TCF12: variants seen among roughly 807,000 people sequenced by gnomAD.
TCF12 encodes transcription factor 12, also known as DNA-binding protein HTF4.
A neutral mutation model predicts 86.0 loss-of-function variants in TCF12; 45 were observed. The observed-to-expected ratio is 0.52, with a 90% CI of 0.41 to 0.67. TCF12 has a LOEUF of 0.67. TCF12 is among the 30% of genes least tolerant of loss of function. TCF12 has a pLI of 0.00. For missense variants in TCF12, 881 were observed against 859.9 expected (o/e 1.02, Z -0.31); for synonymous variants, 330 against 299.6 (o/e 1.10, Z -1.05).
intron 16 of TCF12, among the ~76,000 whole-genome samples, chr15:57,259,757 G>T (rs1021957873): frequency 7.9e-5 from 12 of 152,314 alleles, no homozygotes; most frequent in Admixed American, 6.5e-4. Context: ...CAATTAAACC[G>T]AGTCCTATCT....
chr15:57,000,504 G>A (rs2063963569), intron 3 of TCF12, among the ~76,000 whole-genome samples: 1 of 152,200 alleles, frequency 6.6e-6, no homozygotes, highest in South Asian at 2.1e-4. Context: ...TGCTTGGAAG[G>A]AAGTTTGTAG....
intron 8 of TCF12, among the ~76,000 whole-genome samples, chr15:57,226,887 A>G (rs2058907916): frequency 6.6e-6 from 1 of 151,210 alleles, no homozygotes; most frequent in Non-Finnish European, 1.5e-5. Flanking sequence ...CACTATCCAC[A>G]TTTCAAGTGT....
rs144340040 is a variant in TCF12, at chr15:57,126,476, A to C, written c.325+34585A>C. The stretch of plus-strand genomic sequence containing the variant: ...TCTCCAGTATAACATGCTCTGTGTC[A>C]GTCCTATTGGAGAATCATTTCTCAT... On this transcript the variant is annotated intron_variant, in intron 5 of 20. Coordinates refer to ENST00000333725, the MANE Select transcript of TCF12 (RefSeq NM_207037.2). Among the ~76,000 whole-genome samples, 34 of 152,328 alleles carry C rather than the reference A, an allele frequency of 2.2e-4. 1 individual carries two copies. In the East Asian group the frequency reaches 6.0e-3, roughly 27 times the overall value.
intron 3 of TCF12, among the ~76,000 whole-genome samples, chr15:56,961,991 G>A (rs184724860): frequency 6.6e-6 from 1 of 151,872 alleles, no homozygotes; most frequent in African/African-American, 2.4e-5. Context: ...AATTAGCCGG[G>A]CGTGGTGGCG....
At chr15:57,258,288 A>G (rs919019578) in intron 16 of TCF12, among the ~76,000 whole-genome samples, 1 of 152,224 alleles carries the variant, frequency 6.6e-6, no homozygotes, top group Admixed American at 6.5e-5. Context: ...TCAATTTAAA[A>G]AAAAGGGGAA....
At chr15:56,956,799 A>ATT (rs1444043580) in intron 3 of TCF12, among the ~76,000 whole-genome samples, 1 of 149,412 alleles carries the variant, frequency 6.7e-6, no homozygotes, top group African/African-American at 2.5e-5. Flanking sequence ...TGCTTTTAAG[A>ATT]TTTTTTTTTT....
At chr15:57,264,201 T>TTTA (rs2060734995) in intron 18 of TCF12, among the ~76,000 whole-genome samples, 1 of 106,376 alleles carries the variant, frequency 9.4e-6, no homozygotes, top group African/African-American at 3.8e-5. Flanking sequence ...TAAGCTTTTT[T>TTTA]TTTTTTTTTT....
chr15:57,051,600 A>G (rs1367427136), intron 3 of TCF12, among the ~76,000 whole-genome samples: 1 of 152,122 alleles, frequency 6.6e-6, no homozygotes, highest in East Asian at 1.9e-4. Flanking sequence ...CTGGGATTAC[A>G]GGCATGAGGC....
chr15:57,173,608 C>G (rs573841746), intron 6 of TCF12, among the ~76,000 whole-genome samples: 2 of 152,050 alleles, frequency 1.3e-5, no homozygotes, highest in Non-Finnish European at 2.9e-5. Flanking sequence ...AATATTATAA[C>G]TTAGTAAATT....
chr15:57,113,811 C>T (rs1272974958), intron 5 of TCF12, among the ~76,000 whole-genome samples: 2 of 147,436 alleles, frequency 1.4e-5, no homozygotes, highest in African/African-American at 5.0e-5. Context: ...TTCAGCTAGG[C>T]GGGTCGTGGT....
At chr15:57,194,557 C>G (rs1035426188) in intron 7 of TCF12, among the ~76,000 whole-genome samples, 17 of 152,308 alleles carry the variant, frequency 1.1e-4, no homozygotes, top group African/African-American at 2.4e-4. Flanking sequence ...TTGAGATGAT[C>G]TGCATCAACC....
In TCF12 at chr15:57,007,757, TC is replaced by T. The variant is rs1567241095; in HGVS notation, c.149-55992del. Among the ~76,000 whole-genome samples the T allele has an allele frequency of 2.2e-4, 4 of 17,868 alleles. No individual in the cohort carries two copies. In the East Asian group the frequency reaches 8.0e-3, roughly 36 times the overall value. The allele number at this position is 17,868 out of a possible 152,430, so 11.7% of individuals were successfully genotyped here. On this transcript the variant is annotated intron_variant, in intron 3 of 20. Transcript: ENST00000333725. ...AAATGATGTAACAAATATTTTTCCT[TC>T]TTTCTTTCTTTCTTTCTTTCTTTCT...
At chr15:57,237,102 T>G (rs564550917) in intron 12 of TCF12, among the ~76,000 whole-genome samples, 1 of 152,194 alleles carries the variant, frequency 6.6e-6, no homozygotes, top group African/African-American at 2.4e-5. Context: ...TGTGATAATT[T>G]ATGTTTTGAT....
At chr15:57,074,997 C>T (rs1338753295) in intron 4 of TCF12, among the ~76,000 whole-genome samples, 2 of 151,314 alleles carry the variant, frequency 1.3e-5, no homozygotes, top group African/African-American at 2.4e-5. Context: ...AAGCTTGAAA[C>T]GTTTCCCTTC....
intron 3 of TCF12, among the ~76,000 whole-genome samples, chr15:57,059,325 A>G (rs955861334): frequency 9.9e-5 from 15 of 152,166 alleles, no homozygotes; most frequent in Non-Finnish European, 1.9e-4. Flanking sequence ...GCTCTCATTT[A>G]TGATACCCTA....
chr15:57,027,695 C>G (rs768738893), intron 3 of TCF12, among the ~76,000 whole-genome samples: 14 of 151,972 alleles, frequency 9.2e-5, no homozygotes, highest in Non-Finnish European at 1.9e-4. Context: ...TGGCCGTGTC[C>G]CCACCCAAAT....
chr15:56,980,327 T>A (rs2062832533), intron 3 of TCF12, among the ~76,000 whole-genome samples: 1 of 152,202 alleles, frequency 6.6e-6, no homozygotes, highest in Non-Finnish European at 1.5e-5. Context: ...AAGATGTTAT[T>A]AGGCCATGGA....
intron 19 of TCF12, among the ~76,000 whole-genome samples, chr15:57,278,232 T>G (rs1373753039): frequency 3.3e-5 from 5 of 152,088 alleles, no homozygotes; most frequent in African/African-American, 1.2e-4. Context: ...ACAAAGGATT[T>G]AACATAGAAA....
At chr15:57,081,927 A>T (rs1396952627) in intron 4 of TCF12, among the ~76,000 whole-genome samples, 1 of 152,148 alleles carries the variant, frequency 6.6e-6, no homozygotes, top group Admixed American at 6.5e-5. Context: ...ATGAGTGAAG[A>T]TTCGGTAATA....
Sources: allele counts gnomAD v4.1 joint callset (sites outside exome capture counted in the v4.1 genomes callset), GRCh38; gene constraint gnomAD v4.1.1; transcripts MANE v1.5; gene names NCBI Gene and HGNC (gene_info 2026-07-23, HGNC 2026-07-21).